PRR14L: variants seen among roughly 807,000 people sequenced by gnomAD.
PRR14L encodes protein PRR14L.
Under a neutral mutation model 155.0 loss-of-function variants are expected in PRR14L, and 80 were observed. The ratio of observed to expected loss-of-function variants is 0.52; its 90% CI spans 0.43 to 0.62. The LOEUF is 0.62. PRR14L is among the 20% of genes least tolerant of loss of function. The probability of loss-of-function intolerance (pLI) is 0.00; values close to 1 mark genes in which losing one functional copy is unlikely to be tolerated. For missense variants in PRR14L, 2,469 were observed against 2,548.0 expected (o/e 0.97, Z 0.67); for synonymous variants, 883 against 916.0 (o/e 0.96, Z 0.65).
At chr22:31,719,782 G>A (rs1418247574) in intron 3 of PRR14L, among the ~76,000 whole-genome samples, 1 of 151,574 alleles carries the variant, frequency 6.6e-6, no homozygotes, top group African/African-American at 2.4e-5. Context: ...TGTTGCCTAG[G>A]CTGGAGTGCA....
At chr22:31,720,368 C>T (rs913597406) in intron 3 of PRR14L, among the ~76,000 whole-genome samples, 6 of 152,206 alleles carry the variant, frequency 3.9e-5, no homozygotes, top group African/African-American at 1.2e-4. Flanking sequence ...TGATTCAACA[C>T]ACAATACTTA....
At position 31,683,718 on chromosome 22, in the gene PRR14L, A is replaced by C. The variant is rs1246411795; in HGVS notation, c.*1809T>G. The C allele has an allele frequency of 1.3e-5, 2 of 152,224 alleles. No homozygotes were observed. The highest frequency in any genetic ancestry group is 4.8e-5 in the African/African-American group (2 of 41,432). 9.4% of individuals were successfully genotyped at this position (152,224 alleles called of 1,614,324 possible). On this transcript the variant is annotated 3_prime_UTR_variant, in exon 9 of 9. Transcript: ENST00000327423. ...TGGGCCTAGAACATAGCCGTGGCAC[A>C]CTTTTCCCTCTGGCTCATGTCAGTT...
intron 1 of PRR14L, among the ~76,000 whole-genome samples, chr22:31,740,553 G>A (rs2074807344): frequency 6.6e-6 from 1 of 151,734 alleles, no homozygotes; most frequent in Non-Finnish European, 1.5e-5. Flanking sequence ...TGGAGACAAA[G>A]TTTTGATATG....
At chr22:31,700,634 G>T (rs947848387) in intron 7 of PRR14L, among the ~76,000 whole-genome samples, 6 of 150,946 alleles carry the variant, frequency 4.0e-5, no homozygotes, top group African/African-American at 1.5e-4. Context: ...TCGGCTCACC[G>T]CAACCTCCGC....
chr22:31,708,964 T>C (rs978807334), intron 4 of PRR14L, among the ~76,000 whole-genome samples: 4 of 152,020 alleles, frequency 2.6e-5, no homozygotes, highest in Admixed American at 1.3e-4. Flanking sequence ...GTAACTGGGA[T>C]TACAGGTGTG....
In PRR14L at chr22:31,716,995, A is replaced by T. The variant is rs2074663997; in HGVS notation, c.844T>A (p.Ser282Thr). Residue 282 changes from serine (S) to threonine (T), a missense_variant, in exon 4 of 9, where the codon TCA becomes ACA. Around this residue, in one of 2 missense-constraint regions of PRR14L, gnomAD observed 2,363 missense variants for 2,371.6 expected, o/e 1.00. Transcript: ENST00000327423. ...CEELKSCPWL[S>T]LPGNSAISNV... ...GAAATGGCACTGTTTCCTGGTAATG[A>T]CAACCAAGGACAACTTTTTAATTCT... 1 of 1,551,690 alleles carries T rather than the reference A, an allele frequency of 6.4e-7. No individual in the cohort carries two copies. Among genetic ancestry groups the T allele is most frequent in the South Asian group, 1.2e-5 (1 of 84,066 alleles).
intron 4 of PRR14L, among the ~76,000 whole-genome samples, chr22:31,706,364 CA>C (rs1192585065): frequency 3.6e-3 from 208 of 57,112 alleles, no homozygotes; most frequent in Middle Eastern, 0.011. Context: ...CTCTATCTCA[CA>C]AAAAAAAAAA....
intron 1 of PRR14L, among the ~76,000 whole-genome samples, chr22:31,744,591 C>T (rs892999939): frequency 5.3e-5 from 8 of 152,098 alleles, no homozygotes; most frequent in Non-Finnish European, 7.4e-5. Context: ...ATTCTTAATC[C>T]TGTTGCTTCT....
In PRR14L at chr22:31,683,889, C is replaced by T. The variant is rs1396087794; in HGVS notation, c.*1638G>A. On this transcript the variant is annotated 3_prime_UTR_variant, in exon 9 of 9. Transcript: ENST00000327423. ...TTGGCCAACATTCCAGGACGTGCCA[C>T]TCACTCTTCTCTAATAGACTGACTT... 2 of 152,176 alleles carry T rather than the reference C, an allele frequency of 1.3e-5. No individual in the cohort carries two copies. The highest frequency in any genetic ancestry group is 2.9e-5 in the Non-Finnish European group (2 of 68,068). The allele number at this position is 152,176 out of a possible 1,614,324, so 9.4% of individuals were successfully genotyped here.
Position 31,713,033 on chromosome 22 carries a change from C to T in PRR14L, c.4806G>A (p.Arg1602=), listed in dbSNP as rs759853012. 3.9e-6 allele frequency: 6 copies of T among 1,552,168 alleles called. No individual in the cohort carries two copies. The change falls in exon 4 of 9, where the codon AGG becomes AGA. Residue 1602 remains arginine, a synonymous_variant. Coordinates refer to ENST00000327423, the MANE Select transcript of PRR14L (RefSeq NM_173566.3). ...TGGTAGTCTTCCTAAAATTCAGGCTCCTCAAGGGATGGCACGGTGTAGACA... is the reference window on the plus strand; with the variant it reads ...TGGTAGTCTTCCTAAAATTCAGGCTTCTCAAGGGATGGCACGGTGTAGACA... ...KQMSTPCHPL[R]SLNFRKTTKE...
At chr22:31,685,825 A>G in intron 8 of PRR14L, 22 bp from the exon 9 acceptor site, 1 of 1,547,850 alleles carries the variant, frequency 6.5e-7, no homozygotes, top group Non-Finnish European at 8.7e-7. Context: ...GCACGAAACA[A>G]TCACCAACAG....
At position 31,741,036 on chromosome 22, in the gene PRR14L, G is replaced by A. The variant is rs575059285; in HGVS notation, c.-51-2125C>T. Among the ~76,000 whole-genome samples the A allele has an allele frequency of 3.3e-5, 5 of 151,746 alleles. No individual in the cohort carries two copies. In the East Asian group the frequency reaches 5.9e-4, roughly 18 times the overall value. On this transcript the variant is annotated intron_variant, in intron 1 of 8. Transcript: ENST00000327423. ...TGGGAGGCCGAGAGGGGCGGATCAC[G>A]AGGTCAGGAGATCAAGACCATCCTG...
intron 1 of PRR14L, among the ~76,000 whole-genome samples, chr22:31,741,922 T>A (rs868031880): frequency 1.3e-5 from 2 of 152,186 alleles, no homozygotes; most frequent in African/African-American, 4.8e-5. Flanking sequence ...AATCTTCCCC[T>A]TTCTCCTTTA....
chr22:31,687,130 C>T (rs191113577), intron 8 of PRR14L, among the ~76,000 whole-genome samples: 96 of 152,094 alleles, frequency 6.3e-4, no homozygotes, highest in Non-Finnish European at 2.9e-4. Context: ...CTCCACCCCC[C>T]GGGTTCAAGC....
intron 4 of PRR14L, among the ~76,000 whole-genome samples, chr22:31,708,593 C>T (rs1279071705): frequency 6.6e-6 from 1 of 151,936 alleles, no homozygotes; most frequent in Non-Finnish European, 1.5e-5. Context: ...TCCCAAAGCG[C>T]TGGGAATACA....
intron 3 of PRR14L, among the ~76,000 whole-genome samples, chr22:31,719,759 C>T (rs1798361284): frequency 6.7e-6 from 1 of 149,218 alleles, no homozygotes; most frequent in Non-Finnish European, 1.5e-5. Flanking sequence ...TTTTTTGAGA[C>T]AGGGTCTCGC....
intron 3 of PRR14L, among the ~76,000 whole-genome samples, 156 bp downstream of exon 3, chr22:31,725,382 A>G (rs997468713): frequency 2.0e-5 from 3 of 152,148 alleles, no homozygotes; most frequent in African/African-American, 7.2e-5. Context: ...GGCAATACTA[A>G]GATACGATCT....
intron 3 of PRR14L, among the ~76,000 whole-genome samples, chr22:31,723,415 C>G (rs2074701393): frequency 6.6e-6 from 1 of 152,080 alleles, no homozygotes; most frequent in South Asian, 2.1e-4. Context: ...AGAAAATAAC[C>G]CTGGTTCTCC....
Position 31,714,536 on chromosome 22 carries a change from C to T in PRR14L, c.3303G>A (p.Leu1101=). The T allele has an allele frequency of 6.4e-7, 1 of 1,552,074 alleles. No homozygotes were observed. The highest frequency in any genetic ancestry group is 8.7e-7 in the Non-Finnish European group (1 of 1,147,078). Residue 1101 remains leucine (L), a synonymous_variant, in exon 4 of 9, where the codon CTG becomes CTA. Transcript: ENST00000327423. ...CAGTTGTTCCTGTATGTGCAGCATC[C>T]AGTTCTCTCCGAGACAAGGTACTCC... ...DSRSTLSRRE[L]DAAHTGTTGQ...
Sources: allele counts gnomAD v4.1 joint callset (sites outside exome capture counted in the v4.1 genomes callset), GRCh38; gene constraint gnomAD v4.1.1; regional missense constraint gnomAD v4.1.1; transcripts MANE v1.5; gene names NCBI Gene and HGNC (gene_info 2026-07-23, HGNC 2026-07-21).